Variants in NXPH1 observed in about 807,000 individuals in gnomAD.
The protein encoded by NXPH1 is neurexophilin-1.
NXPH1 carries 5 observed loss-of-function variants against 23.7 expected under a neutral mutation model. That is an observed-to-expected ratio of 0.21 (90% CI 0.11 to 0.44). The LOEUF is 0.44. NXPH1 is among the 20% of genes least tolerant of loss of function. The probability of loss-of-function intolerance (pLI) is 0.99; values close to 1 mark genes in which losing one functional copy is unlikely to be tolerated. For missense variants in NXPH1, 324 were observed against 321.6 expected (o/e 1.01, Z -0.06); for synonymous variants, 144 against 122.2 (o/e 1.18, Z -1.18).
chr7:8,588,098 A>G (rs1012268567), intron 2 of NXPH1, among the ~76,000 whole-genome samples: 5 of 152,232 alleles, frequency 3.3e-5, no homozygotes, highest in Non-Finnish European at 7.3e-5. Context: ...TCAGGAAACA[A>G]CAAATGCTGG....
chr7:8,549,579 C>G (rs187513919), intron 2 of NXPH1, among the ~76,000 whole-genome samples: 1 of 151,584 alleles, frequency 6.6e-6, no homozygotes, highest in Admixed American at 6.6e-5. Flanking sequence ...GAGAGAATTA[C>G]TTATAAACAG....
At chr7:8,722,145 G>A (rs980210900) in intron 2 of NXPH1, among the ~76,000 whole-genome samples, 14 of 146,950 alleles carry the variant, frequency 9.5e-5, no homozygotes, top group African/African-American at 2.5e-4. Flanking sequence ...TGAAGTATGC[G>A]AAAAAAAAAG....
chr7:8,543,005 T>C (rs1169886179), intron 2 of NXPH1, among the ~76,000 whole-genome samples: 1 of 151,646 alleles, frequency 6.6e-6, no homozygotes, highest in Non-Finnish European at 1.5e-5. Flanking sequence ...AAAACACTTT[T>C]CCTTCAGACA....
At chr7:8,641,300 TCTC>T (rs760050869) in intron 2 of NXPH1, among the ~76,000 whole-genome samples, 1 of 152,188 alleles carries the variant, frequency 6.6e-6, no homozygotes, top group Non-Finnish European at 1.5e-5. Context: ...AAAAAAGAGT[TCTC>T]CTTGGATTGA....
In NXPH1 at chr7:8,435,878, CT is replaced by C; in HGVS notation, c.54+112del. Reference sequence around the variant, plus strand: ...CCGCCAGTTCAGTGAGAGCAGCTTCCTAGCAGCTGTGTTGGAGCAACTTTGG... The same window carrying C: ...CCGCCAGTTCAGTGAGAGCAGCTTCCAGCAGCTGTGTTGGAGCAACTTTGG... On this transcript the variant is annotated intron_variant, in intron 2 of 2. Coordinates refer to ENST00000405863, the MANE Select transcript of NXPH1 (RefSeq NM_152745.3). The surrounding 1 kb of genome is among the most constrained non-coding windows in gnomAD (Gnocchi z 5.9). 1 of 1,023,572 alleles carries C rather than the reference CT, an allele frequency of 9.8e-7. No individual in the cohort carries two copies. Among genetic ancestry groups the C allele is most frequent in the Non-Finnish European group, 1.6e-6 (1 of 644,854 alleles). The allele number at this position is 1,023,572 out of a possible 1,614,324, so 63.4% of individuals were successfully genotyped here. A position where few individuals can be genotyped will look rare whatever the true frequency, so the allele number is the denominator to read the frequency against.
chr7:8,446,035 C>T (rs1037741711), intron 2 of NXPH1, among the ~76,000 whole-genome samples: 1 of 152,194 alleles, frequency 6.6e-6, no homozygotes, highest in Admixed American at 6.5e-5. Flanking sequence ...GTATATAAAA[C>T]AGCTTATATA....
chr7:8,559,044 A>G (rs1244003773), intron 2 of NXPH1, among the ~76,000 whole-genome samples: 2 of 151,556 alleles, frequency 1.3e-5, no homozygotes, highest in African/African-American at 4.8e-5. Context: ...ATAGCTTACT[A>G]TAACCTTCAA....
chr7:8,694,594 T>G (rs1370469458), intron 2 of NXPH1, among the ~76,000 whole-genome samples: 1 of 152,202 alleles, frequency 6.6e-6, no homozygotes, highest in Non-Finnish European at 1.5e-5. Flanking sequence ...ACACATCTAT[T>G]TTTTTCATAT....
intron 2 of NXPH1, among the ~76,000 whole-genome samples, chr7:8,512,830 G>A (rs1584203144): frequency 6.6e-6 from 1 of 152,042 alleles, no homozygotes; most frequent in South Asian, 2.1e-4. Context: ...GAACAGAATT[G>A]CATGGCAGCC....
At chr7:8,461,544 C>T (rs1232008418) in intron 2 of NXPH1, among the ~76,000 whole-genome samples, 3 of 152,030 alleles carry the variant, frequency 2.0e-5, no homozygotes, top group Non-Finnish European at 4.4e-5. Flanking sequence ...TAAGAATAAA[C>T]ACACGGCCGG....
chr7:8,645,287 C>G (rs943623852), intron 2 of NXPH1, among the ~76,000 whole-genome samples: 1 of 152,024 alleles, frequency 6.6e-6, no homozygotes, highest in African/African-American at 2.4e-5. Flanking sequence ...TCCACAAGTT[C>G]TATGTCAAAG....
intron 2 of NXPH1, among the ~76,000 whole-genome samples, chr7:8,520,119 A>G (rs879707910): frequency 2.6e-4 from 39 of 152,160 alleles, no homozygotes; most frequent in South Asian, 1.5e-3. Flanking sequence ...GGATTGAAAA[A>G]AACTCCTTGA....
chr7:8,537,506 C>G (rs1818046533), intron 2 of NXPH1, among the ~76,000 whole-genome samples: 2 of 151,882 alleles, frequency 1.3e-5, no homozygotes, highest in South Asian at 4.2e-4. Flanking sequence ...ACCCTCAGAT[C>G]TCATGAAAAC....
At chr7:8,511,542 A>G (rs915098773) in intron 2 of NXPH1, among the ~76,000 whole-genome samples, 3 of 151,888 alleles carry the variant, frequency 2.0e-5, no homozygotes, top group African/African-American at 7.3e-5. Context: ...TATCTCCTTC[A>G]CTCTGTAAGG....
chr7:8,593,618 T>A (rs1819151861), intron 2 of NXPH1, among the ~76,000 whole-genome samples: 1 of 151,996 alleles, frequency 6.6e-6, no homozygotes, highest in Non-Finnish European at 1.5e-5. Flanking sequence ...AATGAGTAAA[T>A]AAATAGAAAA....
intron 2 of NXPH1, among the ~76,000 whole-genome samples, chr7:8,603,526 G>A (rs1819410929): frequency 6.6e-6 from 1 of 152,100 alleles, no homozygotes; most frequent in South Asian, 2.1e-4. Context: ...GACCCCTCAA[G>A]TCTGCCTTCA....
At chr7:8,547,942 A>G (rs189460745) in intron 2 of NXPH1, among the ~76,000 whole-genome samples, 162 of 151,706 alleles carry the variant, frequency 1.1e-3, no homozygotes, top group African/African-American at 3.6e-3. Context: ...TAGTGCTTCA[A>G]TGAACATACA....
chr7:8,565,784 T>G (rs1818534786), intron 2 of NXPH1, among the ~76,000 whole-genome samples: 1 of 151,738 alleles, frequency 6.6e-6, no homozygotes, highest in African/African-American at 2.4e-5. Flanking sequence ...TTAATGAGAG[T>G]TTTGTGAAGC....
At chr7:8,578,645 C>T (rs571136951) in intron 2 of NXPH1, among the ~76,000 whole-genome samples, 1 of 152,128 alleles carries the variant, frequency 6.6e-6, no homozygotes, top group East Asian at 1.9e-4. Flanking sequence ...GAACTAGGTA[C>T]TGAGGTCATA....
Sources: allele counts gnomAD v4.1 joint callset (sites outside exome capture counted in the v4.1 genomes callset), GRCh38; gene constraint gnomAD v4.1.1; non-coding constraint Gnocchi (gnomAD v3.1); transcripts MANE v1.5; gene names NCBI Gene and HGNC (gene_info 2026-07-23, HGNC 2026-07-21).